The following LDB2 variants were observed in gnomAD, a reference collection of about 807,000 sequenced individuals.
LDB2 encodes LIM domain binding 2.
A neutral mutation model predicts 44.3 loss-of-function variants in LDB2; 12 were observed. The ratio of observed to expected loss-of-function variants is 0.27; its 90% CI spans 0.17 to 0.44. The LOEUF is 0.44. LDB2 is among the 20% of genes least tolerant of loss of function. LDB2 has a pLI of 1.00. For missense variants in LDB2, 344 were observed against 473.5 expected, an observed-to-expected ratio of 0.73 and a Z score of 2.54; for synonymous variants, 164 against 174.8, an observed-to-expected ratio of 0.94 and a Z score of 0.49.
At chr4:16,807,168 C>T (rs1455530977) in intron 1 of LDB2, among the ~76,000 whole-genome samples, 1 of 152,164 alleles carries the variant, frequency 6.6e-6, no homozygotes, top group African/African-American at 2.4e-5. Context: ...ATCGCCATCT[C>T]ATCTGGAGAA....
chr4:16,886,220 A>G lies in LDB2; in HGVS notation c.132+12134T>C, dbSNP rs551100769. ...GGCAACAGAGCAAGACCTTGTCTCA[A>G]AAACAAAACAAACCAACAAACAAAA... On this transcript the variant is annotated intron_variant, in intron 1 of 7. Transcript: ENST00000304523. Among the ~76,000 whole-genome samples, 17 of 152,306 alleles carry G rather than the reference A, an allele frequency of 1.1e-4. No individual in the cohort carries two copies. In the East Asian group the frequency reaches 2.5e-3, roughly 22 times the overall value.
At chr4:16,688,074 G>A (rs746945630) in intron 2 of LDB2, among the ~76,000 whole-genome samples, 1 of 152,142 alleles carries the variant, frequency 6.6e-6, no homozygotes, top group African/African-American at 2.4e-5. Flanking sequence ...AAAGACTTAC[G>A]TGAATTATTC....
chr4:16,799,200 A>G (rs1273199815), intron 1 of LDB2, among the ~76,000 whole-genome samples: 1 of 152,210 alleles, frequency 6.6e-6, no homozygotes, highest in Non-Finnish European at 1.5e-5. Flanking sequence ...TTAAGAAAAA[A>G]AAGAACATGC....
At chr4:16,711,452 G>A (rs157619) in intron 2 of LDB2, among the ~76,000 whole-genome samples, 76,801 of 152,028 alleles carry the variant, frequency 0.51, 19,668 homozygotes, top group East Asian at 0.78. Flanking sequence ...ATGGGAAAAA[G>A]TGAGGATGAT....
At chr4:16,613,364 C>T (rs1175410307) in intron 2 of LDB2, among the ~76,000 whole-genome samples, 1 of 152,132 alleles carries the variant, frequency 6.6e-6, no homozygotes, top group Non-Finnish European at 1.5e-5. Flanking sequence ...CTGGCCAGGG[C>T]AATCAGGCAA....
At chr4:16,528,211 A>G (rs1476101805) in intron 5 of LDB2, among the ~76,000 whole-genome samples, 3 of 152,142 alleles carry the variant, frequency 2.0e-5, no homozygotes, top group African/African-American at 4.8e-5. Flanking sequence ...CTCAGGGCGA[A>G]AGGGAGGGAA....
chr4:16,654,751 A>C (rs1739295842), intron 2 of LDB2, among the ~76,000 whole-genome samples: 1 of 152,248 alleles, frequency 6.6e-6, no homozygotes, highest in Non-Finnish European at 1.5e-5. Context: ...TTGACTTATT[A>C]GTATGAGACT....
At chr4:16,825,689 G>T (rs1782924684) in intron 1 of LDB2, among the ~76,000 whole-genome samples, 1 of 151,976 alleles carries the variant, frequency 6.6e-6, no homozygotes, top group South Asian at 2.1e-4. Flanking sequence ...ACATCATTTG[G>T]CCTCTCTAGT....
intron 2 of LDB2, among the ~76,000 whole-genome samples, chr4:16,641,872 C>A (rs865781182): frequency 4.6e-5 from 7 of 152,156 alleles, no homozygotes; most frequent in Middle Eastern, 3.4e-3. Context: ...GACCAGGGGC[C>A]AGGGCACCTG....
chr4:16,641,420 G>A (rs1440657700), intron 2 of LDB2, among the ~76,000 whole-genome samples: 1 of 152,166 alleles, frequency 6.6e-6, no homozygotes, highest in East Asian at 1.9e-4. Context: ...GGAGACTTGA[G>A]AGGTTTAATT....
intron 2 of LDB2, among the ~76,000 whole-genome samples, chr4:16,620,473 A>T (rs1233069321): frequency 6.6e-6 from 1 of 152,186 alleles, no homozygotes; most frequent in Non-Finnish European, 1.5e-5. Context: ...TCATCTTCCA[A>T]ATCAATAGAG....
At chr4:16,647,333 A>G (rs1737081430) in intron 2 of LDB2, among the ~76,000 whole-genome samples, 1 of 152,188 alleles carries the variant, frequency 6.6e-6, no homozygotes, top group Non-Finnish European at 1.5e-5. Flanking sequence ...AGTGATGAAA[A>G]TGTTCTAAAA....
At chr4:16,543,453 A>G (rs1182908858) in intron 5 of LDB2, among the ~76,000 whole-genome samples, 16 of 152,156 alleles carry the variant, frequency 1.1e-4, no homozygotes, top group Admixed American at 7.9e-4. Flanking sequence ...TGACTTTTTA[A>G]CGATCGCCAT....
intron 2 of LDB2, among the ~76,000 whole-genome samples, chr4:16,679,750 A>G (rs951442013): frequency 6.6e-6 from 1 of 152,080 alleles, no homozygotes; most frequent in Non-Finnish European, 1.5e-5. Flanking sequence ...GTAAAGGAGG[A>G]GCTGATGTGA....
chr4:16,814,725 A>C (rs555079888), intron 1 of LDB2, among the ~76,000 whole-genome samples: 1 of 152,356 alleles, frequency 6.6e-6, no homozygotes, highest in Admixed American at 6.5e-5. Flanking sequence ...CAGGATGAAA[A>C]GATTATAAGC....
chr4:16,563,388 G>A (rs1337298014), intron 5 of LDB2, among the ~76,000 whole-genome samples: 1 of 126,016 alleles, frequency 7.9e-6, no homozygotes, highest in African/African-American at 3.1e-5. Context: ...ACAAACCATA[G>A]TATTATCAAA....
At chr4:16,747,281 T>C (rs1295040122) in intron 2 of LDB2, among the ~76,000 whole-genome samples, 1 of 152,174 alleles carries the variant, frequency 6.6e-6, no homozygotes, top group Non-Finnish European at 1.5e-5. Context: ...TGGGCCCATC[T>C]TTTAAAAAAA....
intron 5 of LDB2, among the ~76,000 whole-genome samples, chr4:16,580,371 C>T (rs1461298194): frequency 2.6e-5 from 4 of 152,100 alleles, no homozygotes; most frequent in Non-Finnish European, 5.9e-5. Flanking sequence ...AAGCCCCCTG[C>T]TGAGACTGAG....
intron 2 of LDB2, among the ~76,000 whole-genome samples, chr4:16,744,927 A>AT (rs556432220): frequency 3.9e-4 from 59 of 152,348 alleles, no homozygotes; most frequent in Middle Eastern, 6.8e-3. Context: ...GCTATTACTT[A>AT]TTGAAAAACT....
Sources: gnomAD v4.1 joint callset for allele counts (sites outside exome capture counted in the v4.1 genomes callset) on GRCh38, gnomAD v4.1.1 for gene constraint, MANE v1.5 for transcripts, NCBI Gene and HGNC (gene_info 2026-07-23, HGNC 2026-07-21) for gene names.